Variants in PBX4 observed in about 807,000 individuals in gnomAD.
PBX4 encodes pre-B-cell leukemia transcription factor 4.
PBX4 carries 26 observed loss-of-function variants against 35.1 expected under a neutral mutation model. That is an observed-to-expected ratio of 0.74 (90% confidence interval 0.54 to 1.03). The LOEUF is 1.03. Ranked by LOEUF, PBX4 falls within the 50% of genes least tolerant of loss-of-function variation. The probability of loss-of-function intolerance (pLI) is 0.00; values close to 1 mark genes in which losing one functional copy is unlikely to be tolerated. For missense variants in PBX4, 448 were observed against 504.3 expected, an observed-to-expected ratio of 0.89 and a Z score of 1.07; for synonymous variants, 199 against 204.2, an observed-to-expected ratio of 0.97 and a Z score of 0.22.
chr19:19,588,295 G>T, intron 2 of PBX4: 1 of 1,139,768 alleles, frequency 8.8e-7, no homozygotes, highest in Non-Finnish European at 1.3e-6. Flanking sequence ...GCACACCAGA[G>T]TGCAGGGACG....
intron 2 of PBX4, chr19:19,588,107 G>A (rs1304777577): frequency 1.4e-5 from 13 of 959,116 alleles, no homozygotes; most frequent in Non-Finnish European, 1.8e-5. Flanking sequence ...TCTTGAAGCC[G>A]TATTTTTTGC....
At chr19:19,575,236 C>CAA (rs34956246) in intron 2 of PBX4, among the ~76,000 whole-genome samples, 981 of 93,618 alleles carry the variant, frequency 0.01, 17 homozygotes, top group African/African-American at 0.037. Context: ...GACTCTGTCT[C>CAA]AAAAAAAAAA....
intron 2 of PBX4, among the ~76,000 whole-genome samples, chr19:19,573,735 T>G (rs894132017): frequency 1.4e-5 from 2 of 144,292 alleles, no homozygotes; most frequent in Non-Finnish European, 1.6e-5. Flanking sequence ...TTCCTTTTTT[T>G]GTTTTTTTTT....
intron 2 of PBX4, among the ~76,000 whole-genome samples, chr19:19,598,236 G>A (rs763661858): frequency 6.6e-6 from 1 of 151,992 alleles, no homozygotes; most frequent in African/African-American, 2.4e-5. Flanking sequence ...CAGGAAGCCC[G>A]GAGAAGGAGA....
At chr19:19,580,197 A>T (rs998351251) in intron 2 of PBX4, among the ~76,000 whole-genome samples, 1 of 152,176 alleles carries the variant, frequency 6.6e-6, no homozygotes, top group African/African-American at 2.4e-5. Flanking sequence ...TCTGGAACTG[A>T]CAGTGCCGGT....
At chr19:19,582,044 CAGA>C (rs1386017453) in intron 2 of PBX4, among the ~76,000 whole-genome samples, 1 of 152,140 alleles carries the variant, frequency 6.6e-6, no homozygotes, top group African/African-American at 2.4e-5. Flanking sequence ...ACAGTGAAGG[CAGA>C]AGGCCAGCAG....
Position 19,562,219 on chromosome 19 carries a change from T to C in PBX4, c.1033-102A>G, listed in dbSNP as rs2061311545. The C allele has an allele frequency of 6.2e-6, 5 of 812,704 alleles. No homozygotes were observed. Among genetic ancestry groups the C allele is most frequent in the Non-Finnish European group, 9.5e-6 (5 of 525,204 alleles). 50.3% of individuals were successfully genotyped at this position (812,704 alleles called of 1,614,324 possible). A position where few individuals can be genotyped will look rare whatever the true frequency, so the allele number is the denominator to read the frequency against. ...AGCCTCCAGGGGTCCCTGGGAAGGC[T>C]TGGAAAAGATCCACAGATGACCTCC... On this transcript the variant is annotated intron_variant, in intron 7 of 7. Transcript: ENST00000251203. This position sits in a 1 kb window ranked among gnomAD's most constrained non-coding sequence, Gnocchi z 4.8.
In PBX4 at chr19:19,607,582, T is replaced by TC. The variant is rs2061639108; in HGVS notation, c.120-8218dup. On this transcript the variant is annotated intron_variant, in intron 1 of 7. Transcript: ENST00000251203. Reference sequence around the variant, plus strand: ...CAGAAAGTGAAAGCATAGAGCTTTATCCCCCTTCAACCTCATTTATTCAAT... The same window carrying TC: ...CAGAAAGTGAAAGCATAGAGCTTTATCCCCCCTTCAACCTCATTTATTCAAT... 1.3e-5 allele frequency among the ~76,000 whole-genome samples: 2 copies of TC among 152,196 alleles called. 1 individual carries two copies. Among genetic ancestry groups the TC allele is most frequent in the South Asian group, 4.1e-4 (2 of 4,826 alleles).
At chr19:19,571,079 T>C (rs2061380017) in intron 2 of PBX4, among the ~76,000 whole-genome samples, 1 of 152,200 alleles carries the variant, frequency 6.6e-6, no homozygotes, top group African/African-American at 2.4e-5. Flanking sequence ...CAGTTTGGCA[T>C]AGCCTGTGAG....
intron 2 of PBX4, among the ~76,000 whole-genome samples, chr19:19,572,892 C>A (rs2061394403): frequency 6.9e-6 from 1 of 144,490 alleles, no homozygotes. Flanking sequence ...TCCACTTCAA[C>A]ACTTAGTGCT....
At chr19:19,583,552 G>A (rs2061469513) in intron 2 of PBX4, among the ~76,000 whole-genome samples, 2 of 143,926 alleles carry the variant, frequency 1.4e-5, no homozygotes, top group African/African-American at 4.9e-5. Context: ...GTTTGAGGCT[G>A]CAGTGAGCTG....
chr19:19,598,203 T>C (rs906279312), intron 2 of PBX4, among the ~76,000 whole-genome samples: 18 of 152,144 alleles, frequency 1.2e-4, no homozygotes, highest in African/African-American at 4.3e-4. Flanking sequence ...ATTTGTACTA[T>C]GGCTCTGAAG....
chr19:19,601,502 C>A (rs1055942244), intron 1 of PBX4, among the ~76,000 whole-genome samples: 1 of 152,164 alleles, frequency 6.6e-6, no homozygotes, highest in Non-Finnish European at 1.5e-5. Flanking sequence ...TGCTTATCCT[C>A]AGAACCCTAA....
At chr19:19,603,019 A>G (rs1208718371) in intron 1 of PBX4, among the ~76,000 whole-genome samples, 1 of 152,098 alleles carries the variant, frequency 6.6e-6, no homozygotes, top group Non-Finnish European at 1.5e-5. Flanking sequence ...ATCTAACCTA[A>G]GCTTGCTCAA....
chr19:19,563,300 G>C lies in PBX4; in HGVS notation c.1032+209C>G, dbSNP rs1047709336. On this transcript the variant is annotated intron_variant, in intron 7 of 7. Coordinates refer to ENST00000251203, the MANE Select transcript of PBX4 (RefSeq NM_025245.3). The surrounding 1 kb of genome is among the most constrained non-coding windows in gnomAD (Gnocchi z 5.1). ...CCACTGACTGTTCCCAGCGGCTGCC[G>C]TGGTGACAAGTGGAGGTGGGGGAGG... Among the ~76,000 whole-genome samples the C allele has an allele frequency of 2.6e-5, 4 of 152,174 alleles. No individual in the cohort carries two copies. The highest frequency in any genetic ancestry group is 2.0e-4 in the Admixed American group (3 of 15,282).
chr19:19,605,840 ATTTTTTTT>A (rs71338333), intron 1 of PBX4, among the ~76,000 whole-genome samples: 14 of 123,094 alleles, frequency 1.1e-4, no homozygotes, highest in African/African-American at 3.9e-4. Context: ...AGGCTCTAGG[ATTTTTTTT>A]TTTTTTTTTT....
rs1325175081 is a variant in PBX4, at chr19:19,614,327, G to A, written c.119+4184C>T. 1.3e-5 allele frequency among the ~76,000 whole-genome samples: 2 copies of A among 151,498 alleles called. 1 individual carries two copies. The highest frequency in any genetic ancestry group is 6.4e-3 in the Middle Eastern group (2 of 312). ...AGCCTGGGTGACAGAATAAGACCCT[G>A]TCTCAAAAACAAACAAACAAACATG... is the stretch of plus-strand genomic sequence containing the variant. On this transcript the variant is annotated intron_variant, in intron 1 of 7. Transcript: ENST00000251203.
intron 2 of PBX4, among the ~76,000 whole-genome samples, chr19:19,580,844 C>A (rs1287387312): frequency 6.6e-6 from 1 of 152,180 alleles, no homozygotes; most frequent in South Asian, 2.1e-4. Flanking sequence ...GTGATCCTCC[C>A]GCCTCAGCCT....
intron 2 of PBX4, among the ~76,000 whole-genome samples, chr19:19,595,509 G>A (rs2061555694): frequency 6.6e-6 from 1 of 152,096 alleles, no homozygotes; most frequent in Non-Finnish European, 1.5e-5. Context: ...TGGTTCCCCA[G>A]GAAAGCCTAA....
Sources: allele counts gnomAD v4.1 joint callset (sites outside exome capture counted in the v4.1 genomes callset), GRCh38; gene constraint gnomAD v4.1.1; non-coding constraint Gnocchi (gnomAD v3.1); transcripts MANE v1.5; gene names NCBI Gene and HGNC (gene_info 2026-07-23, HGNC 2026-07-21).